The following NRG3 variants were observed in gnomAD, a reference collection of about 807,000 sequenced individuals.
NRG3 encodes pro-neuregulin-3, membrane-bound isoform.
Under a neutral mutation model 66.9 loss-of-function variants are expected in NRG3, and 31 were observed. The ratio of observed to expected loss-of-function variants is 0.46; its 90% confidence interval spans 0.35 to 0.63. The LOEUF is 0.63. Among genes scored for constraint, NRG3 ranks in the 20% least tolerant of loss-of-function variants. NRG3 has a pLI of 0.00. For synonymous variants in NRG3, 393 were observed against 359.4 expected (o/e 1.09, Z -1.06); for missense variants, 910 against 878.9 (o/e 1.04, Z -0.45).
chr10:82,617,134 C>A (rs1210808187), intron 2 of NRG3, among the ~76,000 whole-genome samples: 1 of 152,028 alleles, frequency 6.6e-6, no homozygotes, highest in African/African-American at 2.4e-5. Flanking sequence ...CCTCCACATA[C>A]ATGCACACAC....
At chr10:82,878,640 G>A (rs903927387) in intron 4 of NRG3, among the ~76,000 whole-genome samples, 1 of 152,192 alleles carries the variant, frequency 6.6e-6, no homozygotes, top group African/African-American at 2.4e-5. Context: ...TATGGGCAGC[G>A]ATGGAAACAT....
intron 1 of NRG3, among the ~76,000 whole-genome samples, chr10:82,270,178 C>T (rs373686206): frequency 6.6e-6 from 1 of 152,162 alleles, no homozygotes; most frequent in South Asian, 2.1e-4. Flanking sequence ...ACAGTCTGCA[C>T]TCTGGAATAC....
At chr10:82,236,932 G>C (rs113510361) in intron 1 of NRG3, among the ~76,000 whole-genome samples, 53 of 151,892 alleles carry the variant, frequency 3.5e-4, no homozygotes, top group African/African-American at 1.2e-3. Context: ...AGCCAGGATG[G>C]TCTCGATCTC....
chr10:82,723,786 A>G (rs945391652), intron 2 of NRG3, among the ~76,000 whole-genome samples: 2 of 151,900 alleles, frequency 1.3e-5, no homozygotes, highest in Non-Finnish European at 2.9e-5. Flanking sequence ...TCGAGACCAA[A>G]CTGGCCAACA....
At chr10:82,172,202 A>G (rs956465708) in intron 1 of NRG3, among the ~76,000 whole-genome samples, 3 of 152,126 alleles carry the variant, frequency 2.0e-5, no homozygotes, top group South Asian at 2.1e-4. Context: ...ACAGATTTCT[A>G]TGATTCCTGC....
At chr10:82,080,449 G>A (rs1432697109) in intron 1 of NRG3, among the ~76,000 whole-genome samples, 1 of 152,002 alleles carries the variant, frequency 6.6e-6, no homozygotes, top group African/African-American at 2.4e-5. Flanking sequence ...TATGACCCCA[G>A]CATCTTAGAC....
At chr10:82,831,541 C>T (rs778764105) in intron 3 of NRG3, among the ~76,000 whole-genome samples, 7 of 152,072 alleles carry the variant, frequency 4.6e-5, no homozygotes, top group Non-Finnish European at 1.0e-4. Flanking sequence ...CTTGGCTGGG[C>T]GCAGTGGCTC....
chr10:82,857,888 T>C (rs549218397), intron 3 of NRG3, among the ~76,000 whole-genome samples: 147 of 152,316 alleles, frequency 9.7e-4, no homozygotes, highest in Middle Eastern at 6.8e-3. Context: ...GCACTAAGGA[T>C]AAAATGCTTG....
At chr10:82,014,085 G>A (rs988556031) in intron 1 of NRG3, among the ~76,000 whole-genome samples, 2 of 152,134 alleles carry the variant, frequency 1.3e-5, no homozygotes. Flanking sequence ...CTACCACAGT[G>A]GAAACAGTCA....
Position 82,479,287 on chromosome 10 carries a change from G to C in NRG3, c.953+120419G>C, listed in dbSNP as rs1032471714. Among the ~76,000 whole-genome samples the C allele has an allele frequency of 2.0e-5, 3 of 152,012 alleles. No individual in the cohort carries two copies. The East Asian group carries it at 5.8e-4, about 29-fold the overall frequency. ...TTAACTCAGGGTTATTATGAGGTTT[G>C]GTACATACGTATATTTATATGTAAC... is the stretch of plus-strand genomic sequence containing the variant. On this transcript the variant is annotated intron_variant, in intron 2 of 8. Transcript: ENST00000372141.
Position 82,050,514 on chromosome 10 carries a change from G to C in NRG3, c.823+174351G>C, listed in dbSNP as rs576493976. 3.3e-5 allele frequency among the ~76,000 whole-genome samples: 5 copies of C among 152,078 alleles called. No homozygotes were observed. The East Asian group carries it at 9.7e-4, about 30-fold the overall frequency. On this transcript the variant is annotated intron_variant, in intron 1 of 8. Transcript: ENST00000372141. Reference sequence around the variant, plus strand: ...GGTATGGGATTTGTGCTGTTAGTCTGTGTGTCCTGCAGACTAACGGCACAA... The same window carrying C: ...GGTATGGGATTTGTGCTGTTAGTCTCTGTGTCCTGCAGACTAACGGCACAA...
chr10:81,930,522 A>G (rs1338135378), intron 1 of NRG3, among the ~76,000 whole-genome samples: 1 of 151,894 alleles, frequency 6.6e-6, no homozygotes, highest in East Asian at 1.9e-4. Flanking sequence ...AAAAAAAAAA[A>G]AGAAAAAGGA....
intron 1 of NRG3, among the ~76,000 whole-genome samples, chr10:82,297,270 C>T (rs1589632136): frequency 1.9e-5 from 2 of 106,816 alleles, no homozygotes. Flanking sequence ...TTTGATAAAA[C>T]ATTTTTTTTT....
At chr10:82,205,522 A>G (rs192915587) in intron 1 of NRG3, among the ~76,000 whole-genome samples, 2 of 152,208 alleles carry the variant, frequency 1.3e-5, no homozygotes, top group African/African-American at 4.8e-5. Flanking sequence ...AATCAGGACA[A>G]TATCATCAAA....
intron 4 of NRG3, among the ~76,000 whole-genome samples, chr10:82,928,143 T>C (rs1475030575): frequency 6.6e-6 from 1 of 152,224 alleles, no homozygotes; most frequent in Non-Finnish European, 1.5e-5. Flanking sequence ...AAATGTCTTC[T>C]GTTGAGGAGT....
At chr10:82,962,083 C>A (rs1206656191) in intron 6 of NRG3, among the ~76,000 whole-genome samples, 2 of 152,160 alleles carry the variant, frequency 1.3e-5, no homozygotes, top group Non-Finnish European at 2.9e-5. Context: ...AGATGCAAAA[C>A]ACCTCGTCAA....
chr10:82,012,570 T>A (rs12778734), intron 1 of NRG3, among the ~76,000 whole-genome samples: 26,637 of 152,234 alleles, frequency 0.17, 2,513 homozygotes, highest in Middle Eastern at 0.22. Flanking sequence ...TTTTATGCTC[T>A]ACTTCCCTTT....
intron 3 of NRG3, among the ~76,000 whole-genome samples, chr10:82,758,469 T>C (rs2059168233): frequency 6.6e-6 from 1 of 152,118 alleles, no homozygotes; most frequent in South Asian, 2.1e-4. Context: ...ACAAATTCTC[T>C]CATTTGATAA....
At chr10:82,822,230 A>G (rs2061982411) in intron 3 of NRG3, among the ~76,000 whole-genome samples, 1 of 152,154 alleles carries the variant, frequency 6.6e-6, no homozygotes, top group Non-Finnish European at 1.5e-5. Flanking sequence ...ATAATGTGGG[A>G]CCGTGCTTCA....
Sources: allele counts gnomAD v4.1 joint callset (sites outside exome capture counted in the v4.1 genomes callset), GRCh38; gene constraint gnomAD v4.1.1; transcripts MANE v1.5; gene names NCBI Gene and HGNC (gene_info 2026-07-23, HGNC 2026-07-21).